BMI1: variants seen among roughly 807,000 people sequenced by gnomAD.
BMI1 encodes polycomb complex protein BMI-1.
BMI1 carries 9 observed loss-of-function variants against 39.1 expected under a neutral mutation model. The observed-to-expected ratio is 0.23, with a 90% confidence interval of 0.14 to 0.40. The LOEUF (loss-of-function observed/expected upper bound fraction) is 0.40. Ranked by LOEUF, BMI1 falls within the 10% of genes least tolerant of loss-of-function variation. The pLI, the probability that BMI1 is intolerant of heterozygous loss-of-function variation, is 1.00. For missense variants in BMI1, 252 were observed against 390.8 expected, an observed-to-expected ratio of 0.64 and a Z score of 2.99; for synonymous variants, 131 against 127.9, an observed-to-expected ratio of 1.02 and a Z score of -0.16.
At chr10:22,328,398 C>G (rs1409822371) in intron 7 of BMI1, among the ~76,000 whole-genome samples, 1 of 151,990 alleles carries the variant, frequency 6.6e-6, no homozygotes, top group Non-Finnish European at 1.5e-5. Context: ...ACAGTTAATA[C>G]TTTGGTATGC....
At chr10:22,327,034 A>G (rs1237194655) in intron 3 of BMI1, 48 bp downstream of exon 3, 11 of 1,594,422 alleles carry the variant, frequency 6.9e-6, no homozygotes, top group Non-Finnish European at 9.4e-6. Context: ...TTGGAGTTGT[A>G]TAATTTACTG....
At chr10:22,325,586 C>T (rs1203507184) in intron 1 of BMI1, 1 of 145,522 alleles carries the variant, frequency 6.9e-6, no homozygotes, top group Non-Finnish European at 1.5e-5. Context: ...ACCCACCCCG[C>T]CCCCGCGCCG....
Position 22,326,465 on chromosome 10 carries a change from A to G in BMI1, c.16A>G (p.Arg6Gly). 6.2e-7 allele frequency: 1 copy of G among 1,613,902 alleles called. No individual in the cohort carries two copies. Among genetic ancestry groups the G allele is most frequent in the Non-Finnish European group, 8.5e-7 (1 of 1,180,034 alleles). ...TCAAGCAGAAATGCATCGAACAACGAGAATCAAGATCACTGAGCTAAATCC... is the reference window on the plus strand; with the variant it reads ...TCAAGCAGAAATGCATCGAACAACGGGAATCAAGATCACTGAGCTAAATCC... MHRTT[R>G]IKITELNPHL... Residue 6 changes from arginine to glycine, a missense_variant, in exon 2 of 10, where the codon AGA becomes GGA. Arg to Gly is a moderately radical substitution (Grantham distance 125). Around this residue, in one of 4 missense-constraint regions of BMI1, gnomAD observed 62 missense variants for 123.3 expected, o/e 0.50. Coordinates refer to ENST00000376663, the MANE Select transcript of BMI1 (RefSeq NM_005180.9).
chr10:22,326,798 C>A, intron 2 of BMI1, 92 bp from the exon 3 acceptor site: 1 of 1,483,340 alleles, frequency 6.7e-7, no homozygotes, highest in Non-Finnish European at 9.3e-7. Context: ...TGCCTTTCAC[C>A]ATCTTGTTTT....
At chr10:22,325,108 G>T (rs1836100854) in intron 1 of BMI1, among the ~76,000 whole-genome samples, 1 of 152,174 alleles carries the variant, frequency 6.6e-6, no homozygotes, top group Non-Finnish European at 1.5e-5. Flanking sequence ...AAAACACTGG[G>T]CTTTGCCCTC....
rs753924861 is a variant in BMI1 at position 22,328,195 on chromosome 10, C to T, written c.471+16C>T. ...TAAGGAGGAGGTATGTTTCATGTTACAAAAACATATAGAAGAAACATTGTT... is the reference window on the plus strand; with the variant it reads ...TAAGGAGGAGGTATGTTTCATGTTATAAAAACATATAGAAGAAACATTGTT... On this transcript the variant is annotated intron_variant, in intron 7 of 9. Transcript: ENST00000376663. The T allele has an allele frequency of 6.3e-6, 10 of 1,591,154 alleles. No homozygotes were observed. The highest frequency in any genetic ancestry group is 8.5e-6 in the Non-Finnish European group (10 of 1,173,266).
rs1460656029 is a variant in BMI1 at position 22,326,750 on chromosome 10, G to A, written c.113-140G>A. The A allele has an allele frequency of 3.8e-6, 5 of 1,299,274 alleles. No homozygotes were observed. In the Admixed American group the frequency reaches 7.0e-5, roughly 18 times the overall value. The allele number at this position is 1,299,274 out of a possible 1,614,324, so 80.5% of individuals were successfully genotyped here. On this transcript the variant is annotated intron_variant, in intron 2 of 9. Coordinates refer to ENST00000376663, the MANE Select transcript of BMI1 (RefSeq NM_005180.9). ...ATTGTATTACAAGCATGCAATATAT[G>A]TGTTCTCAGGATATGAATTAGCTTA... is the stretch of plus-strand genomic sequence containing the variant.
chr10:22,324,161 G>A (rs1836075474), intron 1 of BMI1, among the ~76,000 whole-genome samples: 1 of 152,134 alleles, frequency 6.6e-6, no homozygotes, highest in South Asian at 2.1e-4. Flanking sequence ...GTGTGGTGTT[G>A]GTTTTCTGCA....
At position 22,326,267 on chromosome 10, in the gene BMI1, C is replaced by T. The variant is rs76179506; in HGVS notation, c.-19-164C>T. 6.7e-3 allele frequency among the ~76,000 whole-genome samples: 1,019 copies of T among 152,116 alleles called. 7 individuals are homozygous for T. Among genetic ancestry groups the T allele is most frequent in the African/African-American group, 0.024 (975 of 41,482 alleles). ...ATCCTTTTGCATCAGTTTGGTAGAA[C>T]TGATTCCGATCTGATGAGTAAATTC... On this transcript the variant is annotated intron_variant, in intron 1 of 9. Transcript: ENST00000376663.
At chr10:22,326,584 C>G (rs746292895) in intron 2 of BMI1, 23 bp downstream of exon 2, 6 of 1,608,770 alleles carry the variant, frequency 3.7e-6, no homozygotes, top group East Asian at 2.2e-5. Flanking sequence ...CTTTAGCTCT[C>G]TTTTGTATCA....
intron 2 of BMI1, 30 bp from the exon 3 acceptor site, chr10:22,326,860 A>G: frequency 6.2e-7 from 1 of 1,609,676 alleles, no homozygotes; most frequent in Non-Finnish European, 8.5e-7. Flanking sequence ...ATTTCTAAAC[A>G]TAAAAAAACT....
chr10:22,326,693 T>G, intron 2 of BMI1, 132 bp downstream of exon 2: 1 of 1,417,252 alleles, frequency 7.1e-7, no homozygotes, highest in Non-Finnish European at 9.5e-7. Flanking sequence ...TTTCTTCTCT[T>G]GCATCTAATG....
chr10:22,328,408 C>G (rs1179910439), intron 7 of BMI1, among the ~76,000 whole-genome samples, 192 bp from the exon 8 acceptor site: 1 of 151,962 alleles, frequency 6.6e-6, no homozygotes, highest in Non-Finnish European at 1.5e-5. Context: ...CTTTGGTATG[C>G]TTGAAGATTA....
intron 2 of BMI1, 50 bp downstream of exon 2, chr10:22,326,611 C>G (rs755990525): frequency 3.4e-5 from 54 of 1,584,424 alleles, no homozygotes; most frequent in Non-Finnish European, 4.3e-5. Flanking sequence ...TTTCACAGTT[C>G]GACCTGGAAT....
rs770971835 is a variant in BMI1, at chr10:22,327,826, T to TG, written c.316+40dup. The TG allele has an allele frequency of 6.8e-6, 11 of 1,612,706 alleles. No homozygotes were observed. In the South Asian group the frequency reaches 1.1e-4, roughly 16 times the overall value. On this transcript the variant is annotated intron_variant, in intron 5 of 9. Coordinates refer to ENST00000376663, the MANE Select transcript of BMI1 (RefSeq NM_005180.9). ...TTTAGGGGAGGGAAGACATTTTATA[T>TG]GGGGGGAGAGCTTATCTAGGAATTA...
chr10:22,329,520 C>T lies in BMI1; in HGVS notation c.959C>T (p.Ser320Leu), dbSNP rs756604711. 1 of 1,613,716 alleles carries T rather than the reference C, an allele frequency of 6.2e-7. No homozygotes were observed. Among genetic ancestry groups the T allele is most frequent in the Non-Finnish European group, 8.5e-7 (1 of 1,179,812 alleles). Residue 320 changes from serine (S) to leucine (L), a missense_variant, in exon 10 of 10, where the codon TCA becomes TTA. Coordinates refer to ENST00000376663, the MANE Select transcript of BMI1 (RefSeq NM_005180.9). Reference sequence around the variant, plus strand: ...CCTCGAAAATCATCAGTAAATGGGTCATCAGCAACTTCTTCTGGTTGATAC... The same window carrying T: ...CCTCGAAAATCATCAGTAAATGGGTTATCAGCAACTTCTTCTGGTTGATAC... ...NRPRKSSVNG[S>L]SATSSG
In BMI1 at chr10:22,329,521, A is replaced by G. The variant is rs1173003048; in HGVS notation, c.960A>G (p.Ser320=). 6.2e-7 allele frequency: 1 copy of G among 1,613,932 alleles called. No individual in the cohort carries two copies. Among genetic ancestry groups the G allele is most frequent in the South Asian group, 1.1e-5 (1 of 91,084 alleles). Residue 320 remains serine (S), a synonymous_variant, in exon 10 of 10, where the codon TCA becomes TCG. Coordinates refer to ENST00000376663, the MANE Select transcript of BMI1 (RefSeq NM_005180.9). The part of the protein sequence containing the change: ...NRPRKSSVNG[S]SATSSG ...CTCGAAAATCATCAGTAAATGGGTC[A>G]TCAGCAACTTCTTCTGGTTGATACC...
intron 1 of BMI1, among the ~76,000 whole-genome samples, chr10:22,322,397 G>C (rs1384047112): frequency 6.6e-6 from 1 of 152,222 alleles, no homozygotes; most frequent in Non-Finnish European, 1.5e-5. Context: ...GGGGACACTT[G>C]TCTGAGATTG....
chr10:22,325,650 C>A (rs1836128329), intron 1 of BMI1: 1 of 147,622 alleles, frequency 6.8e-6, no homozygotes, highest in South Asian at 2.1e-4. Flanking sequence ...CGCCCGCCGC[C>A]CCGCACGCCC....
Sources: gnomAD v4.1 joint callset for allele counts (sites outside exome capture counted in the v4.1 genomes callset) on GRCh38, gnomAD v4.1.1 for gene constraint, gnomAD v4.1.1 regional missense constraint, MANE v1.5 for transcripts, NCBI Gene and HGNC (gene_info 2026-07-23, HGNC 2026-07-21) for gene names.